Variants in ULK2 observed in about 807,000 individuals in gnomAD.
ULK2 encodes the protein serine/threonine-protein kinase ULK2.
In ULK2, 76 loss-of-function variants were observed where a neutral mutation model predicts 127.5. The observed-to-expected ratio is 0.60, with a 90% CI of 0.50 to 0.72. ULK2 has a LOEUF of 0.72. Ranked by LOEUF, ULK2 falls within the 30% of genes least tolerant of loss-of-function variation. The pLI is 0.00. For missense variants in ULK2, 1,144 were observed against 1,295.9 expected (o/e 0.88, Z 1.80); for synonymous variants, 452 against 461.9 (o/e 0.98, Z 0.28).
At chr17:19,866,763 G>T (rs1437650314) in intron 1 of ULK2, among the ~76,000 whole-genome samples, 1 of 152,174 alleles carries the variant, frequency 6.6e-6, no homozygotes, top group Non-Finnish European at 1.5e-5. Flanking sequence ...GATTGAAAAT[G>T]AATTGTCCAA....
At chr17:19,790,512 A>C (rs2087128965) in intron 20 of ULK2, among the ~76,000 whole-genome samples, 1 of 152,210 alleles carries the variant, frequency 6.6e-6, no homozygotes, top group Non-Finnish European at 1.5e-5. Context: ...GATACACAAA[A>C]AATAGAAACC....
In ULK2 at chr17:19,867,861, C is replaced by G. The variant is rs942094687; in HGVS notation, c.-444G>C. 1 of 150,814 alleles carries G rather than the reference C, an allele frequency of 6.6e-6. No individual in the cohort carries two copies. The highest frequency in any genetic ancestry group is 2.4e-5 in the African/African-American group (1 of 41,268). The allele number at this position is 150,814 out of a possible 1,614,324, so 9.3% of individuals were successfully genotyped here. On this transcript the variant is annotated 5_prime_UTR_variant, in exon 1 of 27. Transcript: ENST00000395544. ...GACGGCCGCCGCCCTAGAACCCGCACCGCCGCGGCCCCGCGCTTCCCCGCC... is the reference window on the plus strand; with the variant it reads ...GACGGCCGCCGCCCTAGAACCCGCAGCGCCGCGGCCCCGCGCTTCCCCGCC...
At chr17:19,849,853 A>ATAT in intron 3 of ULK2, 79 bp from the exon 4 acceptor site, 1 of 832,646 alleles carries the variant, frequency 1.2e-6, no homozygotes, top group East Asian at 2.8e-5. Context: ...TAAAAATACC[A>ATAT]TACTTGTTCA....
Position 19,782,053 on chromosome 17 carries a change from G to C in ULK2, c.2475C>G (p.Asp825Glu). The change falls in exon 23 of 27, where the codon GAC (aspartate) becomes GAG (glutamate). Residue 825 changes from aspartate (D) to glutamate (E), a missense_variant. By Grantham distance (45) the Asp-to-Glu change is conservative. Coordinates refer to ENST00000395544, the MANE Select transcript of ULK2 (RefSeq NM_014683.4). ...GCATCACATTCAGATGGCGTAAGGT[G>C]TCTGTGTGTTCCCGCTGCAGCAAAG... ...EETLMEREHT[D>E]TLRHLNVMLM... 5 of 1,613,834 alleles carry C rather than the reference G, an allele frequency of 3.1e-6. No homozygotes were observed. The highest frequency in any genetic ancestry group is 4.2e-6 in the Non-Finnish European group (5 of 1,179,926).
chr17:19,838,642 C>CT (rs2041656967), intron 9 of ULK2, 59 bp from the exon 10 acceptor site: 2 of 1,452,360 alleles, frequency 1.4e-6, no homozygotes, highest in African/African-American at 2.8e-5. Flanking sequence ...TAAACATTAA[C>CT]TTTTGCCTTC....
At chr17:19,816,654 G>T in intron 13 of ULK2, 95 bp downstream of exon 13, 1 of 1,077,318 alleles carries the variant, frequency 9.3e-7, no homozygotes, top group Non-Finnish European at 1.3e-6. Context: ...TTGAAAAGGT[G>T]CCCTACACAA....
rs2041805371 is a variant in ULK2 at position 19,843,197 on chromosome 17, T to C, written c.569A>G (p.His190Arg). The change falls in exon 8 of 27, where the codon CAT (histidine) becomes CGT (arginine). Residue 190 changes from histidine (H) to arginine (R), a missense_variant. His to Arg is a conservative substitution (Grantham distance 29). Transcript: ENST00000395544. The part of the protein sequence containing the change: ...YMAPEVIMSQ[H>R]YDAKADLWSI... Reference sequence around the variant, plus strand: ...CCACAAGTCAGCCTTAGCATCATAATGTTGAGACATAATAACCTCAGGAGC... The same window carrying C: ...CCACAAGTCAGCCTTAGCATCATAACGTTGAGACATAATAACCTCAGGAGC... The C allele has an allele frequency of 1.9e-6, 3 of 1,586,526 alleles. No individual in the cohort carries two copies. The highest frequency in any genetic ancestry group is 2.6e-6 in the Non-Finnish European group (3 of 1,172,392).
chr17:19,853,138 AT>A (rs113112588), intron 3 of ULK2, among the ~76,000 whole-genome samples: 2,276 of 143,664 alleles, frequency 0.016, 57 homozygotes, highest in African/African-American at 0.051. Context: ...AATTTTTTTA[AT>A]TTTTTTTTTT....
chr17:19,798,470 A>T (rs982960104), intron 17 of ULK2, among the ~76,000 whole-genome samples: 1 of 152,218 alleles, frequency 6.6e-6, no homozygotes, highest in Admixed American at 6.5e-5. Context: ...TAGAAGCCAA[A>T]CTAGCAAGAA....
intron 13 of ULK2, among the ~76,000 whole-genome samples, chr17:19,816,194 G>C (rs73295824): frequency 0.012 from 1,823 of 152,270 alleles, 31 homozygotes; most frequent in African/African-American, 0.041. Context: ...ATTCCTTCAT[G>C]ATCAAACCAT....
intron 25 of ULK2, 110 bp downstream of exon 25, chr17:19,780,362 G>T: frequency 1.0e-6 from 1 of 1,002,404 alleles, no homozygotes; most frequent in Non-Finnish European, 1.4e-6. Flanking sequence ...CACAATACTT[G>T]GGACTTGAGA....
intron 25 of ULK2, among the ~76,000 whole-genome samples, chr17:19,779,721 C>T (rs1303360755): frequency 6.6e-6 from 1 of 151,948 alleles, no homozygotes; most frequent in Admixed American, 6.6e-5. Context: ...TACTTTGTGT[C>T]TATCCTACAA....
chr17:19,830,675 C>A (rs1481322276), intron 10 of ULK2, among the ~76,000 whole-genome samples: 1 of 150,032 alleles, frequency 6.7e-6, no homozygotes, highest in African/African-American at 2.5e-5. Context: ...CGGGAAAATC[C>A]ACAATATGTG....
At chr17:19,858,176 G>C (rs1047566740) in intron 3 of ULK2, among the ~76,000 whole-genome samples, 9 of 152,198 alleles carry the variant, frequency 5.9e-5, no homozygotes, top group African/African-American at 2.2e-4. Context: ...AAGCTGGGCA[G>C]GTCGCTTAAG....
chr17:19,808,516 G>T (rs1251080170), intron 14 of ULK2, among the ~76,000 whole-genome samples: 1 of 152,132 alleles, frequency 6.6e-6, no homozygotes, highest in Admixed American at 6.6e-5. Context: ...AGAAATATTT[G>T]CAAATCATAC....
chr17:19,826,158 C>T lies in ULK2; in HGVS notation c.816G>A (p.Glu272=). Residue 272 remains glutamate, a synonymous_variant, in exon 11 of 27, where the codon GAG becomes GAA. Coordinates refer to ENST00000395544, the MANE Select transcript of ULK2 (RefSeq NM_014683.4). ...ACTCACATTTTTTTACTGGACCTTGCTCAAGAAAAGGATGGCTAAAAAATG... is the reference window on the plus strand; with the variant it reads ...ACTCACATTTTTTTACTGGACCTTGTTCAAGAAAAGGATGGCTAAAAAATG... ...FEAFFSHPFL[E]QGPVKKSCPV... is the part of the protein sequence containing the mutation. 1 of 1,467,798 alleles carries T rather than the reference C, an allele frequency of 6.8e-7. No individual in the cohort carries two copies. The highest frequency in any genetic ancestry group is 9.1e-7 in the Non-Finnish European group (1 of 1,099,142). 90.9% of individuals were successfully genotyped at this position (1,467,798 alleles called of 1,614,324 possible). A position where few individuals can be genotyped will look rare whatever the true frequency, so the allele number is the denominator to read the frequency against.
rs1422625395 is a variant in ULK2 at position 19,771,283 on chromosome 17, A to G, written c.*5066T>C. The G allele has an allele frequency of 1.3e-5, 2 of 152,250 alleles. No homozygotes were observed. The highest frequency in any genetic ancestry group is 2.9e-5 in the Non-Finnish European group (2 of 68,046). 9.4% of individuals were successfully genotyped at this position (152,250 alleles called of 1,614,324 possible). ...TAAAAGGAGGCAAGTAAGGGTTGGT[A>G]TGAGGATCAAATGAATTAACAATTA... is the stretch of plus-strand genomic sequence containing the variant. On this transcript the variant is annotated 3_prime_UTR_variant, in exon 27 of 27. Transcript: ENST00000395544.
chr17:19,812,703 T>C (rs1466558352), intron 13 of ULK2, among the ~76,000 whole-genome samples: 9 of 152,216 alleles, frequency 5.9e-5, no homozygotes, highest in African/African-American at 2.2e-4. Flanking sequence ...TGAGGGATGG[T>C]TTCTACTGAA....
intron 3 of ULK2, among the ~76,000 whole-genome samples, chr17:19,863,323 A>C (rs982304879): frequency 6.6e-6 from 1 of 152,160 alleles, no homozygotes; most frequent in African/African-American, 2.4e-5. Context: ...ATATACATTT[A>C]CCTTACCCGA....
Sources: gnomAD v4.1 joint callset for allele counts (sites outside exome capture counted in the v4.1 genomes callset) on GRCh38, gnomAD v4.1.1 for gene constraint, MANE v1.5 for transcripts, NCBI Gene and HGNC (gene_info 2026-07-23, HGNC 2026-07-21) for gene names.